The following PTPRG variants were observed in gnomAD, a reference collection of about 807,000 sequenced individuals.
The protein encoded by PTPRG is protein tyrosine phosphatase receptor type G.
PTPRG carries 102 observed loss-of-function variants against 165.3 expected under a neutral mutation model. The observed-to-expected ratio is 0.62, with a 90% CI of 0.53 to 0.73. The LOEUF (loss-of-function observed/expected upper bound fraction) is 0.73, where lower values mean the gene tolerates loss of function less well. PTPRG is among the 30% of genes least tolerant of loss of function. The pLI is 0.00. For missense variants in PTPRG, 1,866 were observed against 1,861.4 expected (o/e 1.00, Z -0.05); for synonymous variants, 675 against 669.5 (o/e 1.01, Z -0.13).
At chr3:62,253,313 C>G (rs1185383307) in intron 15 of PTPRG, among the ~76,000 whole-genome samples, 2 of 152,090 alleles carry the variant, frequency 1.3e-5, no homozygotes, top group African/African-American at 4.8e-5. Context: ...ATAAATGTTG[C>G]CTTCAACTTA....
chr3:62,259,872 A>C (rs1271791872), intron 16 of PTPRG, among the ~76,000 whole-genome samples: 1 of 152,190 alleles, frequency 6.6e-6, no homozygotes, highest in Non-Finnish European at 1.5e-5. Flanking sequence ...TGGTCTTTTC[A>C]AAGGGTATGG....
At chr3:61,649,148 T>TTCCC (rs1702281910) in intron 1 of PTPRG, among the ~76,000 whole-genome samples, 1 of 141,544 alleles carries the variant, frequency 7.1e-6, no homozygotes, top group East Asian at 2.4e-4. Flanking sequence ...CCCTTTTCAC[T>TTCCC]TCCCTCCCTC....
At chr3:62,013,555 C>G (rs6800837) in intron 4 of PTPRG, among the ~76,000 whole-genome samples, 1 of 152,290 alleles carries the variant, frequency 6.6e-6, no homozygotes, top group East Asian at 1.9e-4. Flanking sequence ...TTTTGCTAAA[C>G]GTGTGGATTA....
intron 2 of PTPRG, among the ~76,000 whole-genome samples, chr3:61,762,154 C>T (rs1462328114): frequency 2.0e-5 from 3 of 152,162 alleles, no homozygotes; most frequent in Admixed American, 2.0e-4. Flanking sequence ...ACATGGTCCA[C>T]ACTCTCCTCT....
chr3:61,775,636 A>G (rs1325226653), intron 2 of PTPRG, among the ~76,000 whole-genome samples: 3 of 152,176 alleles, frequency 2.0e-5, no homozygotes, highest in African/African-American at 7.2e-5. Flanking sequence ...ATGTAAAACA[A>G]ACACCAAAGG....
intron 5 of PTPRG, among the ~76,000 whole-genome samples, chr3:62,130,786 T>A (rs1213453712): frequency 6.6e-6 from 1 of 152,196 alleles, no homozygotes; most frequent in Non-Finnish European, 1.5e-5. Flanking sequence ...TAATGCAATT[T>A]TGATTTGGTG....
chr3:61,733,508 T>A (rs1309344474), intron 1 of PTPRG, among the ~76,000 whole-genome samples: 1 of 152,200 alleles, frequency 6.6e-6, no homozygotes, highest in Admixed American at 6.5e-5. Flanking sequence ...GATATTTCAG[T>A]TGAATAGATC....
chr3:62,269,252 C>CATA (rs2148869678), intron 20 of PTPRG, 83 bp downstream of exon 20: 1 of 1,365,422 alleles, frequency 7.3e-7, no homozygotes, highest in South Asian at 1.8e-5. Context: ...GGCCAAATCT[C>CATA]ATAACCAACT....
intron 1 of PTPRG, among the ~76,000 whole-genome samples, chr3:61,593,919 C>A (rs916362785): frequency 1.3e-5 from 2 of 152,124 alleles, no homozygotes; most frequent in African/African-American, 2.4e-5. Context: ...CAAACGAATT[C>A]TCTTTTTTCC....
chr3:62,230,910 A>T (rs1445382867), intron 13 of PTPRG, among the ~76,000 whole-genome samples: 2 of 152,242 alleles, frequency 1.3e-5, no homozygotes, highest in African/African-American at 2.4e-5. Flanking sequence ...AAGAGTGGGT[A>T]TATGAATGAC....
intron 2 of PTPRG, among the ~76,000 whole-genome samples, chr3:61,909,787 C>T (rs1002487182): frequency 1.3e-5 from 2 of 152,124 alleles, no homozygotes; most frequent in African/African-American, 4.8e-5. Context: ...TTAGAGAAAT[C>T]GAATTGCTAA....
chr3:61,916,253 T>C (rs1318356479), intron 2 of PTPRG, among the ~76,000 whole-genome samples: 1 of 152,206 alleles, frequency 6.6e-6, no homozygotes, highest in African/African-American at 2.4e-5. Context: ...GATTCTAGAC[T>C]TATTTTTGGG....
At chr3:62,113,559 A>G (rs1248710051) in intron 5 of PTPRG, among the ~76,000 whole-genome samples, 1 of 151,662 alleles carries the variant, frequency 6.6e-6, no homozygotes, top group Middle Eastern at 3.2e-3. Context: ...ATTTGAATAC[A>G]ATGTGTTTTC....
At chr3:62,185,319 G>T (rs1705834690) in intron 8 of PTPRG, among the ~76,000 whole-genome samples, 1 of 152,214 alleles carries the variant, frequency 6.6e-6, no homozygotes, top group Non-Finnish European at 1.5e-5. Flanking sequence ...AGAGATCCGG[G>T]TGTGGCACCT....
At chr3:61,674,195 A>G (rs1177875764) in intron 1 of PTPRG, among the ~76,000 whole-genome samples, 2 of 148,816 alleles carry the variant, frequency 1.3e-5, no homozygotes, top group Non-Finnish European at 1.5e-5. Flanking sequence ...AAAAAAAAAA[A>G]GAAACATGGC....
rs537916181 is a variant in PTPRG at position 62,147,240 on chromosome 3, A to AGTG, written c.683-9826_683-9824dup. 2.6e-4 allele frequency among the ~76,000 whole-genome samples: 39 copies of AGTG among 152,334 alleles called. No homozygotes were observed. The East Asian group carries it at 7.5e-3, about 29-fold the overall frequency. On this transcript the variant is annotated intron_variant, in intron 6 of 29. Coordinates refer to ENST00000474889, the MANE Select transcript of PTPRG (RefSeq NM_002841.4). ...GGAGGCAAACTGAAGCAAATCCCAC[A>AGTG]GTGTGGAATGGAGTCTTGGGGTGCA...
intron 12 of PTPRG, among the ~76,000 whole-genome samples, chr3:62,215,545 A>ACCC (rs1576145271): frequency 4.8e-5 from 4 of 83,294 alleles, no homozygotes; most frequent in African/African-American, 1.4e-4. Context: ...CCCCTACGGG[A>ACCC]ACCCCCCCCC....
intron 1 of PTPRG, among the ~76,000 whole-genome samples, chr3:61,598,055 A>C (rs141992671): frequency 2.6e-5 from 4 of 152,152 alleles, no homozygotes; most frequent in Non-Finnish European, 4.4e-5. Context: ...AATTTTGAAC[A>C]TGCTTGTTTT....
chr3:61,748,957 A>T lies in PTPRG; in HGVS notation c.165A>T (p.Ser55=), dbSNP rs1417231357. 6.2e-7 allele frequency: 1 copy of T among 1,611,680 alleles called. No homozygotes were observed. Among genetic ancestry groups the T allele is most frequent in the Non-Finnish European group, 8.5e-7 (1 of 1,178,914 alleles). The part of the protein sequence containing the change: ...SAVQIRRRKA[S]GDPYWAYSGA... ...TGCAGATCCGCAGGCGCAAGGCTTC[A>T]GGCGACCCGTACTGGGCCTACTCTG... is the stretch of plus-strand genomic sequence containing the variant. The change falls in exon 2 of 30, where the codon TCA becomes TCT. Residue 55 remains serine, a synonymous_variant. Transcript: ENST00000474889.
Sources: gnomAD v4.1 joint callset for allele counts (sites outside exome capture counted in the v4.1 genomes callset) on GRCh38, gnomAD v4.1.1 for gene constraint, MANE v1.5 for transcripts, NCBI Gene and HGNC (gene_info 2026-07-23, HGNC 2026-07-21) for gene names.